PACRG: variants seen among roughly 807,000 people sequenced by gnomAD.
PACRG encodes parkin coregulated gene protein.
In PACRG, 29 loss-of-function variants were observed where a neutral mutation model predicts 29.7. That is an observed-to-expected ratio of 0.98 (90% CI 0.73 to 1.33). The LOEUF (loss-of-function observed/expected upper bound fraction) is 1.33, where lower values mean the gene tolerates loss of function less well. Ranked by LOEUF, PACRG falls within the 40% of genes most tolerant of loss-of-function variation. The probability of loss-of-function intolerance (pLI) is 0.00; values close to 1 mark genes in which losing one functional copy is unlikely to be tolerated. For missense variants in PACRG, 279 were observed against 316.2 expected (o/e 0.88, Z 0.89); for synonymous variants, 116 against 118.7 (o/e 0.98, Z 0.15).
At chr6:162,846,978 T>A (rs1375102624) in intron 2 of PACRG, among the ~76,000 whole-genome samples, 1 of 148,282 alleles carries the variant, frequency 6.7e-6, no homozygotes. Flanking sequence ...ACTGCCATGC[T>A]CCCCACACTG....
At chr6:162,895,956 T>G (rs1173653428) in intron 2 of PACRG, among the ~76,000 whole-genome samples, 2 of 152,242 alleles carry the variant, frequency 1.3e-5, no homozygotes, top group Non-Finnish European at 2.9e-5. Context: ...GGCTTTTTTC[T>G]TCTTTTACAG....
intron 4 of PACRG, among the ~76,000 whole-genome samples, chr6:163,249,015 C>CAA (rs57866351): frequency 1.1e-3 from 117 of 106,876 alleles, no homozygotes; most frequent in East Asian, 1.9e-3. Context: ...GACTCTGTCT[C>CAA]AAAAAAAAAA....
chr6:163,166,191 T>C, intron 4 of PACRG: 1 of 456,328 alleles, frequency 2.2e-6, no homozygotes, highest in Non-Finnish European at 4.4e-6. Flanking sequence ...CCTCTGCATC[T>C]GCCGAGGGCA....
At chr6:163,191,350 G>A (rs1440986101) in intron 4 of PACRG, among the ~76,000 whole-genome samples, 1 of 152,050 alleles carries the variant, frequency 6.6e-6, no homozygotes, top group Non-Finnish European at 1.5e-5. Context: ...TCAGCTCAGT[G>A]TCAAGTTCCA....
chr6:163,067,175 G>A (rs1349581393), intron 3 of PACRG, among the ~76,000 whole-genome samples: 1 of 152,286 alleles, frequency 6.6e-6, no homozygotes, highest in South Asian at 2.1e-4. Flanking sequence ...ATGCATCCGC[G>A]GACCTTGGTA....
intron 1 of PACRG, among the ~76,000 whole-genome samples, chr6:162,772,807 G>A (rs1012992018): frequency 6.6e-6 from 1 of 152,142 alleles, no homozygotes; most frequent in African/African-American, 2.4e-5. Context: ...AGGAATAGAG[G>A]ACAGATTTAG....
intron 2 of PACRG, 145 bp downstream of exon 2, chr6:162,814,426 C>T (rs1562624274): frequency 2.0e-6 from 2 of 1,013,076 alleles, no homozygotes; most frequent in Admixed American, 2.8e-5. Context: ...AGAGAAAGCC[C>T]CCCTGTGTCA....
At chr6:163,273,560 A>C (rs995663096) in intron 4 of PACRG, among the ~76,000 whole-genome samples, 2 of 152,146 alleles carry the variant, frequency 1.3e-5, no homozygotes, top group African/African-American at 4.8e-5. Context: ...TTGACTAATT[A>C]TATTTTCCTA....
intron 2 of PACRG, among the ~76,000 whole-genome samples, chr6:163,059,079 CAAAAAAAA>C (rs572558082): frequency 1.9e-3 from 130 of 68,442 alleles, no homozygotes; most frequent in African/African-American, 6.9e-3. Context: ...AACTCCATCT[CAAAAAAAA>C]AAAAAAAAGT....
chr6:162,812,015 A>T (rs1786913258), intron 1 of PACRG, among the ~76,000 whole-genome samples: 1 of 152,156 alleles, frequency 6.6e-6, no homozygotes, highest in African/African-American at 2.4e-5. Context: ...AAAGGGTTAC[A>T]TGTTGTATGA....
intron 4 of PACRG, among the ~76,000 whole-genome samples, chr6:163,220,536 A>C (rs2128159010): frequency 6.6e-6 from 1 of 152,230 alleles, no homozygotes; most frequent in Non-Finnish European, 1.5e-5. Flanking sequence ...GTTTGGGAAA[A>C]CTCACAGAAT....
chr6:162,843,937 A>G (rs1482522560), intron 2 of PACRG, among the ~76,000 whole-genome samples: 1 of 90,942 alleles, frequency 1.1e-5, no homozygotes, highest in Non-Finnish European at 2.2e-5. Context: ...GACCCACTTG[A>G]GGAGGCAGTC....
intron 2 of PACRG, among the ~76,000 whole-genome samples, chr6:163,007,163 C>T (rs1433524204): frequency 6.6e-6 from 1 of 151,956 alleles, no homozygotes; most frequent in Non-Finnish European, 1.5e-5. Flanking sequence ...GAGATTATAC[C>T]ATTTTATATA....
chr6:163,072,689 C>A (rs933523948), intron 3 of PACRG, among the ~76,000 whole-genome samples: 6 of 152,054 alleles, frequency 3.9e-5, no homozygotes, highest in Non-Finnish European at 7.4e-5. Context: ...CAGATGATAT[C>A]ATCTTATATT....
At chr6:162,802,322 T>C (rs1785944459) in intron 1 of PACRG, among the ~76,000 whole-genome samples, 1 of 152,200 alleles carries the variant, frequency 6.6e-6, no homozygotes, top group African/African-American at 2.4e-5. Flanking sequence ...ACTCTGTTTC[T>C]AGTAAATAAT....
intron 2 of PACRG, among the ~76,000 whole-genome samples, chr6:162,821,623 C>T (rs1000198545): frequency 6.6e-6 from 1 of 152,124 alleles, no homozygotes; most frequent in Non-Finnish European, 1.5e-5. Context: ...CCCACCCTCT[C>T]AGTGGTAAAT....
At chr6:162,829,461 C>T (rs1449340676) in intron 2 of PACRG, among the ~76,000 whole-genome samples, 2 of 152,188 alleles carry the variant, frequency 1.3e-5, no homozygotes, top group African/African-American at 4.8e-5. Context: ...TTCTTTCATC[C>T]ATCACACATT....
rs543927557 is a variant in PACRG, at chr6:162,850,356, A to C, written c.291+36075A>C. On this transcript the variant is annotated intron_variant, in intron 2 of 4. Transcript: ENST00000366888. Reference sequence around the variant, plus strand: ...CCCATTTCCTGGCATAGGGCTCCTAAAATCCTTAGAATCTCCAAAATGATA... The same window carrying C: ...CCCATTTCCTGGCATAGGGCTCCTACAATCCTTAGAATCTCCAAAATGATA... Among the ~76,000 whole-genome samples the C allele has an allele frequency of 5.3e-5, 8 of 152,348 alleles. No homozygotes were observed. The South Asian group carries it at 1.4e-3, about 28-fold the overall frequency.
At chr6:162,838,929 T>C in intron 2 of PACRG, among the ~76,000 whole-genome samples, 1 of 146,690 alleles carries the variant, frequency 6.8e-6, no homozygotes, top group Non-Finnish European at 1.5e-5. Context: ...AACTCATCAT[T>C]TTTTATGGCT....
Sources: allele counts gnomAD v4.1 joint callset (sites outside exome capture counted in the v4.1 genomes callset), GRCh38; gene constraint gnomAD v4.1.1; transcripts MANE v1.5; gene names NCBI Gene and HGNC (gene_info 2026-07-23, HGNC 2026-07-21).